CPXM1: variants seen among roughly 807,000 people sequenced by gnomAD.
The protein encoded by CPXM1 is probable carboxypeptidase X1.
CPXM1 carries 72 observed loss-of-function variants against 80.4 expected under a neutral mutation model. That is an observed-to-expected ratio of 0.90 (90% confidence interval 0.74 to 1.09). The LOEUF (loss-of-function observed/expected upper bound fraction) is 1.09. Among genes scored for constraint, CPXM1 ranks in the 50% least tolerant of loss-of-function variants. The pLI is 0.00. For synonymous variants in CPXM1, 403 were observed against 405.6 expected (o/e 0.99, Z 0.08); for missense variants, 892 against 999.4 (o/e 0.89, Z 1.45).
In CPXM1 at chr20:2,798,945, G is replaced by A. The variant is rs368221680; in HGVS notation, c.173-52C>T. The A allele has an allele frequency of 1.2e-4, 189 of 1,564,784 alleles. 1 individual carries two copies. The highest frequency in any genetic ancestry group is 3.7e-4 in the Middle Eastern group (2 of 5,386). ...GGGAAAGGAAGAATGGTGAAACCCC[G>A]GATGGAAAGGTCTGCCAGCCCAAGA... On this transcript the variant is annotated intron_variant, in intron 1 of 13. Coordinates refer to ENST00000380605, the MANE Select transcript of CPXM1 (RefSeq NM_019609.5).
rs2146559558 is a variant in CPXM1 at position 2,796,653 on chromosome 20, G to T, written c.922-3C>A. The T allele has an allele frequency of 6.2e-7, 1 of 1,614,034 alleles. No homozygotes were observed. Among genetic ancestry groups the T allele is most frequent in the South Asian group, 1.1e-5 (1 of 91,084 alleles). ...TGCTCTTGTACCTGCTTCATCAGCT[G>T]GTGGGCAGAGTGTAGCGTGGCATGA... On this transcript the variant is annotated splice_polypyrimidine_tract_variant and splice_region_variant and intron_variant, in intron 7 of 13. Transcript: ENST00000380605. The surrounding 1 kb of genome is among the most constrained non-coding windows in gnomAD (Gnocchi z 6.8).
At chr20:2,800,195 G>C (rs1236549851) in intron 1 of CPXM1, among the ~76,000 whole-genome samples, 1 of 151,648 alleles carries the variant, frequency 6.6e-6, no homozygotes, top group Admixed American at 6.6e-5. Context: ...GCGCGCGTGT[G>C]AGTGCAAGTG....
Position 2,794,101 on chromosome 20 carries a change from C to A in CPXM1, c.*89G>T. On this transcript the variant is annotated 3_prime_UTR_variant, in exon 14 of 14. Coordinates refer to ENST00000380605, the MANE Select transcript of CPXM1 (RefSeq NM_019609.5). The surrounding 1 kb of genome is among the most constrained non-coding windows in gnomAD (Gnocchi z 5.2). The stretch of plus-strand genomic sequence containing the variant: ...AGGTGCCCGGTAGCTTTAATGAGCA[C>A]CTTTTCCTCACTTTGTCCCTCCCTC... The A allele has an allele frequency of 1.3e-6, 2 of 1,502,638 alleles. No homozygotes were observed. The highest frequency in any genetic ancestry group is 2.3e-5 in the East Asian group (1 of 43,970). The allele number at this position is 1,502,638 out of a possible 1,614,324, so 93.1% of individuals were successfully genotyped here.
rs371860032 is a variant in CPXM1 at position 2,796,035 on chromosome 20, C to T, written c.1369G>A (p.Val457Ile). The T allele has an allele frequency of 6.2e-6, 10 of 1,613,336 alleles. No individual in the cohort carries two copies. The Admixed American group carries it at 6.7e-5, about 11-fold the overall frequency. Reference protein sequence around the residue: ...AQDDGKVPHIVPNHHLPLPTY... With the variant: ...AQDDGKVPHIIPNHHLPLPTY... ...GGCAATGGCAGGTGATGGTTGGGGA[C>T]GATGTGGGGCACCTTCCCATCGTCC... The change falls in exon 10 of 14, where the codon GTC (valine) becomes ATC (isoleucine). Residue 457 changes from valine to isoleucine, a missense_variant. Val to Ile is a conservative substitution (Grantham distance 29, BLOSUM62 3). Transcript: ENST00000380605. The surrounding 1 kb of genome is among the most constrained non-coding windows in gnomAD (Gnocchi z 6.8).
chr20:2,800,138 C>T (rs994638460), intron 1 of CPXM1, among the ~76,000 whole-genome samples: 3 of 123,856 alleles, frequency 2.4e-5, no homozygotes, highest in South Asian at 2.8e-4. Flanking sequence ...ACTGTGTGTG[C>T]GCGCACGCGC....
In CPXM1 at chr20:2,795,340, G is replaced by A. The variant is rs775234521; in HGVS notation, c.1797C>T (p.His599=). Residue 599 remains histidine, a synonymous_variant, in exon 12 of 14, where the codon CAC becomes CAT. Transcript: ENST00000380605. This position sits in a 1 kb window ranked among gnomAD's most constrained non-coding sequence, Gnocchi z 5.4. Reference sequence around the variant, plus strand: ...CCCACTCCTGGGGCAATTCATTCTCGTGAGGGAACTTGTCACAGGACAGCT... The same window carrying A: ...CCCACTCCTGGGGCAATTCATTCTCATGAGGGAACTTGTCACAGGACAGCT... The part of the protein sequence containing the change: ...TVELSCDKFP[H]ENELPQEWEN... 48 of 1,614,028 alleles carry A rather than the reference G, an allele frequency of 3.0e-5. No individual in the cohort carries two copies. Among genetic ancestry groups the A allele is most frequent in the Admixed American group, 1.2e-4 (7 of 60,000 alleles).
Position 2,796,267 on chromosome 20 carries a change from A to G in CPXM1, c.1222T>C (p.Tyr408His), listed in dbSNP as rs754059891. Residue 408 changes from tyrosine (Y) to histidine (H), a missense_variant, in exon 9 of 14, where the codon TAT (tyrosine) becomes CAT (histidine). Transcript: ENST00000380605. This position sits in a 1 kb window ranked among gnomAD's most constrained non-coding sequence, Gnocchi z 6.8. Reference protein sequence around the residue: ...HLLPSMNPDGYEIAYHRGSEL... With the variant: ...HLLPSMNPDGHEIAYHRGSEL... ...CCTACCCGGTGGTAGGCGATCTCAT[A>G]GCCATCAGGGTTCATGGAGGGCAGC... is the stretch of plus-strand genomic sequence containing the variant. 1 of 1,613,798 alleles carries G rather than the reference A, an allele frequency of 6.2e-7. No homozygotes were observed.
rs1695714552 is a variant in CPXM1 at position 2,795,339 on chromosome 20, C to T, written c.1798G>A (p.Glu600Lys). The T allele has an allele frequency of 1.9e-6, 3 of 1,614,016 alleles. No individual in the cohort carries two copies. The highest frequency in any genetic ancestry group is 1.3e-5 in the African/African-American group (1 of 74,914). ...TCCCACTCCTGGGGCAATTCATTCT[C>T]GTGAGGGAACTTGTCACAGGACAGC... is the stretch of plus-strand genomic sequence containing the variant. ...VELSCDKFPH[E>K]NELPQEWENN... Residue 600 changes from glutamate (E) to lysine (K), a missense_variant, in exon 12 of 14, where the codon GAG (glutamate) becomes AAG (lysine). Glu to Lys is a moderately conservative substitution (Grantham distance 56, BLOSUM62 1). Transcript: ENST00000380605. This position sits in a 1 kb window ranked among gnomAD's most constrained non-coding sequence, Gnocchi z 5.4.
rs2088504208 is a variant in CPXM1 at position 2,796,064 on chromosome 20, G to C, written c.1340C>G (p.Ala447Gly). Reference sequence around the variant, plus strand: ...GTGGGGCACCTTCCCATCGTCCTGTGCTTCCCACAGTGGTGTGTTGAGGTC... The same window carrying C: ...GTGGGGCACCTTCCCATCGTCCTGTCCTTCCCACAGTGGTGTGTTGAGGTC... Reference protein sequence around the residue: ...FADLNTPLWEAQDDGKVPHIV... With the variant: ...FADLNTPLWEGQDDGKVPHIV... The change falls in exon 10 of 14, where the codon GCA becomes GGA. Residue 447 changes from alanine to glycine, a missense_variant. Physicochemically the swap from Ala to Gly is moderately conservative, Grantham distance 60. This residue lies in a region of CPXM1 where 874 missense variants were observed against 958.4 expected (regional missense o/e 0.91). Transcript: ENST00000380605. The surrounding 1 kb of genome is among the most constrained non-coding windows in gnomAD (Gnocchi z 6.8). The C allele has an allele frequency of 6.2e-7, 1 of 1,614,094 alleles. No individual in the cohort carries two copies. Among genetic ancestry groups the C allele is most frequent in the Non-Finnish European group, 8.5e-7 (1 of 1,179,984 alleles).
Position 2,796,398 on chromosome 20 carries a change from G to A in CPXM1, c.1091C>T (p.Ala364Val). Residue 364 changes from alanine (A) to valine (V), a missense_variant, in exon 9 of 14, where the codon GCC (alanine) becomes GTC (valine). Physicochemically the swap from Ala to Val is moderately conservative, Grantham distance 64. Coordinates refer to ENST00000380605, the MANE Select transcript of CPXM1 (RefSeq NM_019609.5). The surrounding 1 kb of genome is among the most constrained non-coding windows in gnomAD (Gnocchi z 6.8). ...RYVAGMHGNEALGRELLLLLM... is the reference protein window; with the variant it reads ...RYVAGMHGNEVLGRELLLLLM... ...GAGCAGAAGCAACTCCCGCCCCAGG[G>A]CCTCGTTCCCATGCATGCCAGCCAC... 1.9e-6 allele frequency: 3 copies of A among 1,614,058 alleles called. No homozygotes were observed. Among genetic ancestry groups the A allele is most frequent in the Non-Finnish European group, 2.5e-6 (3 of 1,179,998 alleles).
Position 2,798,307 on chromosome 20 carries a change from A to G in CPXM1, c.451-16T>C, listed in dbSNP as rs375542829. ...CCAGGCCTGACTGCAGACACAGGAC[A>G]TGGTGGTCAGGCCCAGTTGGACAGA... On this transcript the variant is annotated splice_polypyrimidine_tract_variant and intron_variant, in intron 3 of 13. Coordinates refer to ENST00000380605, the MANE Select transcript of CPXM1 (RefSeq NM_019609.5). 1.3e-4 allele frequency: 202 copies of G among 1,613,258 alleles called. No homozygotes were observed. The highest frequency in any genetic ancestry group is 1.6e-4 in the Non-Finnish European group (184 of 1,179,714).
intron 2 of CPXM1, 67 bp from the exon 3 acceptor site, chr20:2,798,604 G>T: frequency 6.4e-7 from 1 of 1,558,284 alleles, no homozygotes. Flanking sequence ...GGGAAGCTGA[G>T]CCTAAGGTTG....
rs373356042 is a variant in CPXM1 at position 2,797,109 on chromosome 20, G to C, written c.833-15C>G. 5 of 1,613,928 alleles carry C rather than the reference G, an allele frequency of 3.1e-6. No individual in the cohort carries two copies. The highest frequency in any genetic ancestry group is 1.1e-5 in the South Asian group (1 of 91,086). ...GTCATTGGGGTCTGGTGGAGGTTGAGTTTATGGTAAAGGGTGTGTCCACAG... is the reference window on the plus strand; with the variant it reads ...GTCATTGGGGTCTGGTGGAGGTTGACTTTATGGTAAAGGGTGTGTCCACAG... On this transcript the variant is annotated splice_polypyrimidine_tract_variant and intron_variant, in intron 6 of 13. Transcript: ENST00000380605.
chr20:2,796,187 TC>T lies in CPXM1; in HGVS notation c.1243-27del. The T allele has an allele frequency of 6.2e-7, 1 of 1,607,858 alleles. No homozygotes were observed. Among genetic ancestry groups the T allele is most frequent in the Non-Finnish European group, 8.5e-7 (1 of 1,176,418 alleles). ...CTGCCGGGCAAGAGGCTTGTTCAAG[TC>T]GAGCAGGTCCAGCCACCAGGGCAGA... is the stretch of plus-strand genomic sequence containing the variant. On this transcript the variant is annotated intron_variant, in intron 9 of 13. Transcript: ENST00000380605. This position sits in a 1 kb window ranked among gnomAD's most constrained non-coding sequence, Gnocchi z 6.8.
At position 2,795,171 on chromosome 20, in the gene CPXM1, G is replaced by C; in HGVS notation, c.1860+106C>G. 7.5e-7 allele frequency: 1 copy of C among 1,341,288 alleles called. No individual in the cohort carries two copies. Among genetic ancestry groups the C allele is most frequent in the Non-Finnish European group, 1.0e-6 (1 of 964,000 alleles). The allele number at this position is 1,341,288 out of a possible 1,614,324, so 83.1% of individuals were successfully genotyped here. On this transcript the variant is annotated intron_variant, in intron 12 of 13. Coordinates refer to ENST00000380605, the MANE Select transcript of CPXM1 (RefSeq NM_019609.5). The surrounding 1 kb of genome is among the most constrained non-coding windows in gnomAD (Gnocchi z 5.4). Reference sequence around the variant, plus strand: ...AAGCATGGCCCATGGCATCTTGTGAGTCTGAATGCTCAGCTGGACCTTAGA... The same window carrying C: ...AAGCATGGCCCATGGCATCTTGTGACTCTGAATGCTCAGCTGGACCTTAGA...
rs541160297 is a variant in CPXM1, at chr20:2,797,960, C to T, written c.681+8G>A. 1.2e-6 allele frequency: 2 copies of T among 1,612,922 alleles called. No homozygotes were observed. Among genetic ancestry groups the T allele is most frequent in the South Asian group, 2.2e-5 (2 of 91,026 alleles). On this transcript the variant is annotated splice_region_variant and intron_variant, in intron 5 of 13. Coordinates refer to ENST00000380605, the MANE Select transcript of CPXM1 (RefSeq NM_019609.5). ...CATGGAGGCCCCAGCCACAGTGGGA[C>T]CACTCACTGCGTCCATCCCACTGCT...
chr20:2,795,223 A>C lies in CPXM1; in HGVS notation c.1860+54T>G, dbSNP rs922056326. The C allele has an allele frequency of 3.1e-6, 5 of 1,589,628 alleles. No individual in the cohort carries two copies. The African/African-American group carries it at 5.4e-5, about 17-fold the overall frequency. On this transcript the variant is annotated intron_variant, in intron 12 of 13. Transcript: ENST00000380605. This position sits in a 1 kb window ranked among gnomAD's most constrained non-coding sequence, Gnocchi z 5.4. The stretch of plus-strand genomic sequence containing the variant: ...GAACCCCTGGTAGGAGCTGTAGCCT[A>C]AATGGACAGCAGGAGTGATTCAGGC...
Position 2,795,916 on chromosome 20 carries a change from A to T in CPXM1, c.1423-20T>A, listed in dbSNP as rs371160930. On this transcript the variant is annotated intron_variant, in intron 10 of 13. Transcript: ENST00000380605. This position sits in a 1 kb window ranked among gnomAD's most constrained non-coding sequence, Gnocchi z 5.4. Reference sequence around the variant, plus strand: ...AGCCACCTGGATGGGGCAGGTCAGGAGGGGCAGGAGACAGAGACAAGGTCC... The same window carrying T: ...AGCCACCTGGATGGGGCAGGTCAGGTGGGGCAGGAGACAGAGACAAGGTCC... 65 of 1,605,132 alleles carry T rather than the reference A, an allele frequency of 4.0e-5. No homozygotes were observed. The highest frequency in any genetic ancestry group is 5.4e-5 in the Non-Finnish European group (63 of 1,173,612).
chr20:2,797,256 G>A lies in CPXM1; in HGVS notation c.768C>T (p.Pro256=), dbSNP rs1454634898. 3.8e-6 allele frequency: 6 copies of A among 1,571,686 alleles called. No individual in the cohort carries two copies. The highest frequency in any genetic ancestry group is 1.8e-5 in the Admixed American group (1 of 54,226). Residue 256 remains proline, a synonymous_variant, in exon 6 of 14, where the codon CCC becomes CCT. Transcript: ENST00000380605. ...GCGCGCCTCCCTGGAGCCAGGTCTG[G>A]GGCAGCAGGCGAATGAAGCGGGCCA... ...PQVARFIRLL[P]QTWLQGGAPC... is the part of the protein sequence containing the mutation.
Sources: allele counts gnomAD v4.1 joint callset (sites outside exome capture counted in the v4.1 genomes callset), GRCh38; gene constraint gnomAD v4.1.1; regional missense constraint gnomAD v4.1.1; non-coding constraint Gnocchi (gnomAD v3.1); transcripts MANE v1.5; gene names NCBI Gene and HGNC (gene_info 2026-07-23, HGNC 2026-07-21).